Variants in FMNL2 observed in about 807,000 individuals in gnomAD.
FMNL2 encodes formin like 2.
FMNL2 carries 51 observed loss-of-function variants against 130.2 expected under a neutral mutation model. That is an observed-to-expected ratio of 0.39 (90% confidence interval 0.31 to 0.49). The LOEUF is 0.49. FMNL2 is among the 20% of genes least tolerant of loss of function. FMNL2 has a pLI of 0.85. For missense variants in FMNL2, 977 were observed against 1,316.2 expected, an observed-to-expected ratio of 0.74 and a Z score of 3.99; for synonymous variants, 465 against 467.1, an observed-to-expected ratio of 1.00 and a Z score of 0.06.
chr2:152,591,430 G>A (rs1697434101), intron 9 of FMNL2, among the ~76,000 whole-genome samples: 1 of 152,222 alleles, frequency 6.6e-6, no homozygotes. Context: ...AATCAGAACT[G>A]TTTGGAATTG....
chr2:152,607,987 G>A (rs368056066), intron 10 of FMNL2, among the ~76,000 whole-genome samples: 3 of 152,134 alleles, frequency 2.0e-5, no homozygotes, highest in South Asian at 2.1e-4. Context: ...AGAACATGCG[G>A]TTCCACAGCA....
intron 1 of FMNL2, among the ~76,000 whole-genome samples, chr2:152,520,364 C>T (rs182680954): frequency 4.6e-5 from 7 of 152,076 alleles, no homozygotes; most frequent in Admixed American, 2.6e-4. Context: ...GAGGCCGAGG[C>T]GGGCGGATCA....
intron 1 of FMNL2, among the ~76,000 whole-genome samples, chr2:152,374,693 C>T (rs1684065902): frequency 6.6e-6 from 1 of 152,196 alleles, no homozygotes; most frequent in South Asian, 2.1e-4. Context: ...GGAACCCTGT[C>T]ACCAGCATTT....
chr2:152,480,173 A>G (rs549971113), intron 1 of FMNL2, among the ~76,000 whole-genome samples: 2 of 152,318 alleles, frequency 1.3e-5, no homozygotes, highest in Admixed American at 6.5e-5. Context: ...CTTAGCAGGC[A>G]GGCTGAAGAT....
chr2:152,568,662 A>G (rs1695997919), intron 6 of FMNL2, among the ~76,000 whole-genome samples: 1 of 152,188 alleles, frequency 6.6e-6, no homozygotes, highest in South Asian at 2.1e-4. Flanking sequence ...TGGAAGGGGA[A>G]ACAAACATGT....
At chr2:152,464,975 C>G (rs1180913994) in intron 1 of FMNL2, among the ~76,000 whole-genome samples, 1 of 152,080 alleles carries the variant, frequency 6.6e-6, no homozygotes, top group Non-Finnish European at 1.5e-5. Flanking sequence ...ACGAGATGTA[C>G]AAAGGTTTAA....
At chr2:152,580,739 T>A (rs1301800614) in intron 8 of FMNL2, among the ~76,000 whole-genome samples, 1 of 152,230 alleles carries the variant, frequency 6.6e-6, no homozygotes. Flanking sequence ...TTTGTCTTTT[T>A]GGTAAGTATA....
chr2:152,431,197 C>T (rs1473468340), intron 1 of FMNL2, among the ~76,000 whole-genome samples: 2 of 152,180 alleles, frequency 1.3e-5, no homozygotes, highest in East Asian at 3.8e-4. Context: ...TTTAAATCAT[C>T]TTCCTTGAAT....
At chr2:152,371,198 C>A (rs1683853953) in intron 1 of FMNL2, among the ~76,000 whole-genome samples, 2 of 152,182 alleles carry the variant, frequency 1.3e-5, no homozygotes, top group South Asian at 4.1e-4. Context: ...CTGCTGATAA[C>A]ACAAGTCAGC....
chr2:152,373,981 T>C (rs532219971), intron 1 of FMNL2, among the ~76,000 whole-genome samples: 24 of 152,234 alleles, frequency 1.6e-4, no homozygotes, highest in African/African-American at 5.8e-4. Context: ...TTTTCCTGTA[T>C]GTTGTGATTG....
intron 1 of FMNL2, among the ~76,000 whole-genome samples, chr2:152,520,638 A>T (rs1448521678): frequency 2.0e-5 from 3 of 152,002 alleles, no homozygotes; most frequent in African/African-American, 7.2e-5. Context: ...AAGACAGGTT[A>T]TTGTAAAATC....
intron 7 of FMNL2, chr2:152,578,603 TTTTG>T: frequency 4.9e-6 from 1 of 206,096 alleles, no homozygotes; most frequent in Non-Finnish European, 9.6e-6. Flanking sequence ...TTTTTTTTTT[TTTTG>T]AGAGATGTGG....
intron 9 of FMNL2, 107 bp from the exon 10 acceptor site, chr2:152,607,232 A>AAAAAG: frequency 1.1e-6 from 1 of 931,338 alleles, no homozygotes; most frequent in Non-Finnish European, 1.7e-6. Flanking sequence ...TATGAGAGAG[A>AAAAAG]AAAAGATAGA....
chr2:152,443,961 G>A lies in FMNL2; in HGVS notation c.118-77982G>A, dbSNP rs547583307. Among the ~76,000 whole-genome samples the A allele has an allele frequency of 3.7e-4, 57 of 152,272 alleles. 1 individual carries two copies. Among genetic ancestry groups the A allele is most frequent in the African/African-American group, 1.2e-3 (51 of 41,546 alleles). ...TGAGTTCACAACATGGAAGTCCGTC[G>A]TGCATTCACACAGTGCTGACTCAGC... On this transcript the variant is annotated intron_variant, in intron 1 of 25. Transcript: ENST00000288670.
intron 2 of FMNL2, among the ~76,000 whole-genome samples, chr2:152,540,470 CTTGA>C: frequency 6.6e-6 from 1 of 151,934 alleles, no homozygotes; most frequent in African/African-American, 2.4e-5. Flanking sequence ...TTAAAAGCAG[CTTGA>C]TTGAGATAGA....
intron 1 of FMNL2, among the ~76,000 whole-genome samples, chr2:152,518,507 TCTCTTGG>T (rs1692900656): frequency 6.6e-6 from 1 of 152,214 alleles, no homozygotes; most frequent in Admixed American, 6.5e-5. Context: ...ACTTGAGTGC[TCTCTTGG>T]TTATCTCATA....
At chr2:152,357,237 T>TTAAATCAGTTTAATGTATCACGATAAAC (rs1560294043) in intron 1 of FMNL2, among the ~76,000 whole-genome samples, 1 of 15,814 alleles carries the variant, frequency 6.3e-5, no homozygotes, top group African/African-American at 1.4e-4. Context: ...TCACGATAAA[T>TTAAATCAGTTTAATGTATCACGATAAAC]ATTAAATCAG....
chr2:152,637,665 A>C lies in FMNL2; in HGVS notation c.2937A>C (p.Lys979Asn), dbSNP rs776365798. Residue 979 changes from lysine (K) to asparagine (N), a missense_variant, in exon 23 of 26, where the codon AAA becomes AAC. Coordinates refer to ENST00000288670, the MANE Select transcript of FMNL2 (RefSeq NM_052905.4). ...VFFPVFVRFV[K>N]AYKQAEEENE... ...TTCCTGTCTTTGTCCGGTTTGTGAA[A>C]GCATATAAGGTATATGTTAAGGCCC... is the stretch of plus-strand genomic sequence containing the variant. The C allele has an allele frequency of 1.9e-5, 30 of 1,613,830 alleles. No individual in the cohort carries two copies. Among genetic ancestry groups the C allele is most frequent in the Non-Finnish European group, 2.3e-5 (27 of 1,179,844 alleles).
chr2:152,412,757 T>C (rs1384500850), intron 1 of FMNL2, among the ~76,000 whole-genome samples: 1 of 151,746 alleles, frequency 6.6e-6, no homozygotes, highest in African/African-American at 2.4e-5. Context: ...CAGTGAGCCA[T>C]GATTGTGCTG....
Sources: allele counts gnomAD v4.1 joint callset (sites outside exome capture counted in the v4.1 genomes callset), GRCh38; gene constraint gnomAD v4.1.1; transcripts MANE v1.5; gene names NCBI Gene and HGNC (gene_info 2026-07-23, HGNC 2026-07-21).